The following BCAR3 variants were observed in gnomAD, a reference collection of about 807,000 sequenced individuals.
BCAR3 encodes breast cancer anti-estrogen resistance protein 3.
A neutral mutation model predicts 80.1 loss-of-function variants in BCAR3; 37 were observed. The observed-to-expected ratio is 0.46, with a 90% confidence interval of 0.36 to 0.61. BCAR3 has a LOEUF of 0.61. BCAR3 is among the 20% of genes least tolerant of loss of function. BCAR3 has a pLI of 0.00. For synonymous variants in BCAR3, 389 were observed against 418.9 expected, an observed-to-expected ratio of 0.93 and a Z score of 0.87; for missense variants, 978 against 1,068.2, an observed-to-expected ratio of 0.92 and a Z score of 1.18.
At chr1:93,779,447 G>T (rs925925605) in intron 2 of BCAR3, among the ~76,000 whole-genome samples, 1 of 152,204 alleles carries the variant, frequency 6.6e-6, no homozygotes, top group African/African-American at 2.4e-5. Flanking sequence ...AAATAAGGAT[G>T]AGTCGGTGGA....
At chr1:93,591,148 T>A (rs1317493796) in intron 4 of BCAR3, among the ~76,000 whole-genome samples, 1 of 132,524 alleles carries the variant, frequency 7.5e-6, no homozygotes. Flanking sequence ...TATTTGATTG[T>A]GCCAAGAAAT....
At chr1:93,740,909 C>A (rs1014274563) in intron 2 of BCAR3, among the ~76,000 whole-genome samples, 9 of 152,202 alleles carry the variant, frequency 5.9e-5, no homozygotes, top group African/African-American at 2.2e-4. Context: ...CAGCTGACAG[C>A]CTTGTGTTCA....
intron 2 of BCAR3, among the ~76,000 whole-genome samples, chr1:93,821,698 G>A (rs1177846711): frequency 6.6e-6 from 1 of 152,196 alleles, no homozygotes; most frequent in Admixed American, 6.5e-5. Context: ...CATTTACTGA[G>A]CACTACACAT....
intron 2 of BCAR3, among the ~76,000 whole-genome samples, chr1:93,776,639 G>A (rs186720772): frequency 4.8e-4 from 73 of 152,312 alleles, no homozygotes; most frequent in African/African-American, 1.7e-3. Flanking sequence ...TATTAGTCCT[G>A]TAGAGTTTCC....
At chr1:93,731,802 T>C (rs1557669194) in intron 2 of BCAR3, among the ~76,000 whole-genome samples, 1 of 152,194 alleles carries the variant, frequency 6.6e-6, no homozygotes, top group Non-Finnish European at 1.5e-5. Context: ...TTTTCAGGCA[T>C]AGTGCCCCAA....
chr1:93,600,022 T>C (rs937615619), intron 3 of BCAR3, among the ~76,000 whole-genome samples: 4 of 152,230 alleles, frequency 2.6e-5, no homozygotes, highest in African/African-American at 7.2e-5. Context: ...CCTTGTCATA[T>C]TGCCCCTAGG....
At position 93,582,568 on chromosome 1, in the gene BCAR3, G is replaced by C; in HGVS notation, c.1419C>G (p.Val473=). 1 of 1,613,456 alleles carries C rather than the reference G, an allele frequency of 6.2e-7. No individual in the cohort carries two copies. The highest frequency in any genetic ancestry group is 1.1e-5 in the South Asian group (1 of 91,014). The change falls in exon 7 of 12, where the codon GTC becomes GTG. Residue 473 remains valine (V), a synonymous_variant. Transcript: ENST00000260502. ...NEAPGPRNSG[V]NYLILDDDDR... is the part of the protein sequence containing the mutation. The stretch of plus-strand genomic sequence containing the variant: ...CATCATCATCAAGGATCAAGTAGTT[G>C]ACGCCAGAGTTCCGGGGACCTGGCG...
At chr1:93,732,616 C>CA (rs1386179459) in intron 2 of BCAR3, among the ~76,000 whole-genome samples, 2 of 143,962 alleles carry the variant, frequency 1.4e-5, no homozygotes, top group East Asian at 2.2e-4. Flanking sequence ...GACCTTGTCT[C>CA]AAAAAAAGAA....
chr1:93,740,127 G>A (rs1019214222), intron 2 of BCAR3, among the ~76,000 whole-genome samples: 7 of 152,118 alleles, frequency 4.6e-5, no homozygotes, highest in Admixed American at 6.5e-5. Context: ...ACAACAGGAA[G>A]GCATTTTCAT....
intron 2 of BCAR3, among the ~76,000 whole-genome samples, chr1:93,664,949 C>A (rs930016624): frequency 1.3e-5 from 2 of 151,750 alleles, no homozygotes; most frequent in Non-Finnish European, 2.9e-5. Context: ...CATTCCCTAC[C>A]GGCTTCTGAA....
intron 2 of BCAR3, among the ~76,000 whole-genome samples, chr1:93,720,819 C>T (rs1650367973): frequency 1.3e-5 from 2 of 152,202 alleles, no homozygotes; most frequent in South Asian, 2.1e-4. Context: ...TTTGGCCTTC[C>T]TTGTGTCTTT....
At chr1:93,822,609 G>T (rs1173516574) in intron 2 of BCAR3, among the ~76,000 whole-genome samples, 1 of 152,168 alleles carries the variant, frequency 6.6e-6, no homozygotes, top group Non-Finnish European at 1.5e-5. Flanking sequence ...AAAGTGCTGG[G>T]ATTACAGGCG....
chr1:93,610,802 C>A (rs1674923618), intron 3 of BCAR3, among the ~76,000 whole-genome samples: 1 of 152,020 alleles, frequency 6.6e-6, no homozygotes, highest in South Asian at 2.1e-4. Context: ...CAAAAATTAG[C>A]CAGGTGTGGT....
At chr1:93,575,517 A>G (rs1325900462) in intron 8 of BCAR3, among the ~76,000 whole-genome samples, 1 of 152,164 alleles carries the variant, frequency 6.6e-6, no homozygotes, top group Non-Finnish European at 1.5e-5. Context: ...GTCATCCCCT[A>G]ACCTCTGACC....
At chr1:93,639,567 C>T (rs1055568348) in intron 3 of BCAR3, among the ~76,000 whole-genome samples, 4 of 151,104 alleles carry the variant, frequency 2.6e-5, no homozygotes, top group Non-Finnish European at 5.9e-5. Flanking sequence ...ACCTCCGCCT[C>T]CCAGGTTCAA....
intron 2 of BCAR3, among the ~76,000 whole-genome samples, chr1:93,776,601 T>A (rs978557997): frequency 6.6e-6 from 1 of 152,220 alleles, no homozygotes; most frequent in Non-Finnish European, 1.5e-5. Context: ...GGAATTTCCT[T>A]GCAATTTATT....
intron 8 of BCAR3, 78 bp from the exon 9 acceptor site, chr1:93,571,919 G>C (rs953094672): frequency 6.7e-7 from 1 of 1,495,004 alleles, no homozygotes; most frequent in African/African-American, 1.4e-5. Flanking sequence ...GCCAAGAGCA[G>C]GGCTGTTTTT....
In BCAR3 at chr1:93,714,417, G is replaced by A. The variant is rs1368632543; in HGVS notation, c.-62-8275C>T. On this transcript the variant is annotated intron_variant, in intron 2 of 13. Transcript: ENST00000370244. ...CTGTGTTCTTGGCCCCTAGAACACTGCCTGGCACATAGTGGGAGTTTATTA... is the reference window on the plus strand; with the variant it reads ...CTGTGTTCTTGGCCCCTAGAACACTACCTGGCACATAGTGGGAGTTTATTA... Among the ~76,000 whole-genome samples, 5 of 152,124 alleles carry A rather than the reference G, an allele frequency of 3.3e-5. No homozygotes were observed. In the East Asian group the frequency reaches 9.6e-4, roughly 29 times the overall value.
At chr1:93,686,792 C>T (rs940954276), upstream of BCAR3, among the ~76,000 whole-genome samples, 2 of 152,284 alleles carry the variant, frequency 1.3e-5, no homozygotes, top group South Asian at 4.1e-4. Flanking sequence ...AAACGCTGAG[C>T]ATTTTTCAAA....
Sources: gnomAD v4.1 joint callset for allele counts (sites outside exome capture counted in the v4.1 genomes callset) on GRCh38, gnomAD v4.1.1 for gene constraint, MANE v1.5 for transcripts, NCBI Gene and HGNC (gene_info 2026-07-23, HGNC 2026-07-21) for gene names.